FBXL20: variants seen among roughly 807,000 people sequenced by gnomAD.
FBXL20 encodes the protein F-box/LRR-repeat protein 20.
FBXL20 carries 11 observed loss-of-function variants against 64.0 expected under a neutral mutation model. That is an observed-to-expected ratio of 0.17 (90% CI 0.11 to 0.28). The LOEUF (loss-of-function observed/expected upper bound fraction) is 0.28, where lower values mean the gene tolerates loss of function less well. Ranked by LOEUF, FBXL20 falls within the 10% of genes least tolerant of loss-of-function variation. The pLI, the probability that FBXL20 is intolerant of heterozygous loss-of-function variation, is 1.00. For missense variants in FBXL20, 303 were observed against 526.2 expected (o/e 0.58, Z 4.15); for synonymous variants, 184 against 189.0 (o/e 0.97, Z 0.22).
chr17:39,281,295 A>G (rs1349811194), intron 9 of FBXL20, 94 bp downstream of exon 9: 4 of 1,109,718 alleles, frequency 3.6e-6, no homozygotes, highest in Non-Finnish European at 4.0e-6. Flanking sequence ...GAAAAACAAT[A>G]CTGGTCTTGA....
chr17:39,324,023 C>CCCCCCCCCA (rs2047384636), intron 2 of FBXL20, among the ~76,000 whole-genome samples: 1 of 139,030 alleles, frequency 7.2e-6, no homozygotes, highest in African/African-American at 3.0e-5. Flanking sequence ...CTCCCCCCCC[C>CCCCCCCCCA]ACCCCCTGGC....
intron 2 of FBXL20, among the ~76,000 whole-genome samples, chr17:39,328,076 C>T (rs1220354564): frequency 2.0e-5 from 3 of 151,476 alleles, no homozygotes; most frequent in African/African-American, 7.3e-5. Flanking sequence ...GGTGAAACCC[C>T]ATCTCTACTA....
chr17:39,270,677 G>A (rs182690757), intron 11 of FBXL20, 119 bp downstream of exon 11: 83 of 783,090 alleles, frequency 1.1e-4, no homozygotes, highest in African/African-American at 9.7e-4. Flanking sequence ...ATGAAACCCC[G>A]TCTCACTCAC....
chr17:39,313,057 T>C (rs1315252545), intron 2 of FBXL20, among the ~76,000 whole-genome samples: 2 of 151,024 alleles, frequency 1.3e-5, no homozygotes, highest in Admixed American at 1.3e-4. Flanking sequence ...TAGCTGGAAT[T>C]ACCGGCGCGC....
At chr17:39,361,956 TA>T (rs758574542) in intron 1 of FBXL20, among the ~76,000 whole-genome samples, 11 of 149,910 alleles carry the variant, frequency 7.3e-5, no homozygotes, top group Admixed American at 4.7e-4. Context: ...AGTAAAGTTT[TA>T]AAAATGCTTT....
chr17:39,315,876 T>C (rs1184241876), intron 2 of FBXL20, among the ~76,000 whole-genome samples: 1 of 108,742 alleles, frequency 9.2e-6, no homozygotes, highest in African/African-American at 2.9e-5. Flanking sequence ...AGAGAGCAAC[T>C]GTAGAGCGAA....
intron 1 of FBXL20, among the ~76,000 whole-genome samples, chr17:39,396,725 G>A (rs527352365): frequency 1.2e-4 from 19 of 152,160 alleles, no homozygotes; most frequent in Non-Finnish European, 1.8e-4. Flanking sequence ...GGAGGCTGAG[G>A]TGGGCGGATC....
chr17:39,396,653 T>C, intron 1 of FBXL20, among the ~76,000 whole-genome samples: 1 of 144,736 alleles, frequency 6.9e-6, no homozygotes, highest in Admixed American at 6.9e-5. Flanking sequence ...TAGCAAAAAA[T>C]TAAGATTAAT....
At chr17:39,293,164 T>C (rs764834222) in intron 6 of FBXL20, among the ~76,000 whole-genome samples, 13 of 152,136 alleles carry the variant, frequency 8.5e-5, no homozygotes, top group Non-Finnish European at 1.9e-4. Flanking sequence ...TGGACTTTGA[T>C]GTCTTCCTTT....
upstream of FBXL20, chr17:39,402,299 T>TTG: frequency 1.1e-6 from 1 of 906,308 alleles, no homozygotes; most frequent in Non-Finnish European, 1.4e-6. Context: ...CGCCGCCGCC[T>TTG]CCCCCGCCTC....
intron 1 of FBXL20, among the ~76,000 whole-genome samples, chr17:39,368,282 C>T (rs1231917865): frequency 6.6e-6 from 1 of 152,058 alleles, no homozygotes; most frequent in Non-Finnish European, 1.5e-5. Flanking sequence ...GTCCTAGCTA[C>T]TCAGGAGGCT....
intron 1 of FBXL20, among the ~76,000 whole-genome samples, chr17:39,365,102 T>C (rs7223438): frequency 0.32 from 48,153 of 151,980 alleles, 8,520 homozygotes; most frequent in African/African-American, 0.48. Context: ...TCAAATCTTT[T>C]GGTGGTAGGA....
chr17:39,398,040 CG>C (rs56842905), intron 1 of FBXL20, among the ~76,000 whole-genome samples: 55 of 56,590 alleles, frequency 9.7e-4, no homozygotes, highest in South Asian at 4.2e-3. Flanking sequence ...GGCCGGCGGG[CG>C]GGGGGGGGGG....
At chr17:39,356,035 G>A (rs1186912986) in intron 1 of FBXL20, among the ~76,000 whole-genome samples, 2 of 151,450 alleles carry the variant, frequency 1.3e-5, no homozygotes, top group Admixed American at 6.6e-5. Context: ...CCAACATGGT[G>A]AAACCCTGTC....
At chr17:39,302,397 G>A (rs1195271260) in intron 3 of FBXL20, among the ~76,000 whole-genome samples, 60 of 140,868 alleles carry the variant, frequency 4.3e-4, no homozygotes, top group Non-Finnish European at 4.5e-4. Flanking sequence ...TTTTTGAGAC[G>A]GAGTCTCGTT....
intron 1 of FBXL20, among the ~76,000 whole-genome samples, chr17:39,380,738 C>T (rs189160957): frequency 6.6e-5 from 10 of 152,234 alleles, no homozygotes; most frequent in Middle Eastern, 3.4e-3. Context: ...CACTTTTATA[C>T]GCTCAGCATC....
At position 39,370,575 on chromosome 17, in the gene FBXL20, A is replaced by G. The variant is rs561009163; in HGVS notation, c.43-27334T>C. On this transcript the variant is annotated intron_variant, in intron 1 of 14. Transcript: ENST00000264658. ...GCCGAGGCGGGCGGATCACAAGGTC[A>G]GGAGATCGAGACCATCCTGGCTAAC... 8.6e-3 allele frequency among the ~76,000 whole-genome samples: 1,304 copies of G among 150,770 alleles called. 20 individuals carry two copies. Among genetic ancestry groups the G allele is most frequent in the African/African-American group, 0.03 (1,236 of 41,010 alleles).
At position 39,261,420 on chromosome 17, in the gene FBXL20, C is replaced by A; in HGVS notation, c.*40G>T. 1 of 1,494,652 alleles carries A rather than the reference C, an allele frequency of 6.7e-7. No individual in the cohort carries two copies. Among genetic ancestry groups the A allele is most frequent in the South Asian group, 1.1e-5 (1 of 88,494 alleles). 92.6% of individuals were successfully genotyped at this position (1,494,652 alleles called of 1,614,324 possible). On this transcript the variant is annotated 3_prime_UTR_variant, in exon 15 of 15. Transcript: ENST00000264658. ...GACTCCACGGTAGCTCTAGAAGTGT[C>A]ATTAAATACTCAGTTCGCCAAGGTT...
chr17:39,364,604 T>C (rs1225584995), intron 1 of FBXL20, among the ~76,000 whole-genome samples: 1 of 152,120 alleles, frequency 6.6e-6, no homozygotes, highest in Non-Finnish European at 1.5e-5. Flanking sequence ...AACAAGACCC[T>C]GTCTCAAAAA....
Sources: gnomAD v4.1 joint callset for allele counts (sites outside exome capture counted in the v4.1 genomes callset) on GRCh38, gnomAD v4.1.1 for gene constraint, MANE v1.5 for transcripts, NCBI Gene and HGNC (gene_info 2026-07-23, HGNC 2026-07-21) for gene names.